Variants in LGSN observed in about 807,000 individuals in gnomAD.
LGSN encodes the protein lengsin, lens protein with glutamine synthetase domain.
A neutral mutation model predicts 19.5 loss-of-function variants in LGSN; 21 were observed. The observed-to-expected ratio is 1.07, with a 90% confidence interval of 0.76 to 1.55. The LOEUF is 1.55. LGSN is among the 40% of genes most tolerant of loss of function. LGSN has a pLI of 0.00. For missense variants in LGSN, 673 were observed against 608.5 expected (o/e 1.11, Z -1.12); for synonymous variants, 257 against 215.6 (o/e 1.19, Z -1.68).
the LGSN span, among the ~76,000 whole-genome samples, chr6:63,552,924 C>G: frequency 2.0e-5 from 3 of 151,994 alleles, no homozygotes; most frequent in Non-Finnish European, 4.4e-5. Context: ...GGTACTGTAG[C>G]CTTGTAGTAT....
the LGSN span, among the ~76,000 whole-genome samples, chr6:63,399,089 G>A: frequency 2.6e-5 from 4 of 152,134 alleles, no homozygotes; most frequent in East Asian, 5.8e-4. Flanking sequence ...TTACAAACAT[G>A]AGTTATCGCA....
chr6:63,557,378 C>T, the LGSN span, among the ~76,000 whole-genome samples: 2 of 152,022 alleles, frequency 1.3e-5, no homozygotes, highest in African/African-American at 2.4e-5. Context: ...CCAGCCTGGC[C>T]AACATGGTGA....
At chr6:63,304,351 T>G (rs1768297420) in intron 1 of LGSN, among the ~76,000 whole-genome samples, 1 of 152,210 alleles carries the variant, frequency 6.6e-6, no homozygotes, top group African/African-American at 2.4e-5. Flanking sequence ...TCCCTTACAG[T>G]AGTCTGTACA....
chr6:63,351,010 TA>T, the LGSN span, among the ~76,000 whole-genome samples: 1 of 152,142 alleles, frequency 6.6e-6, no homozygotes. Flanking sequence ...CCCAAATTCA[TA>T]TGTGGAAATG....
At chr6:63,291,122 C>T (rs1187712447) in intron 2 of LGSN, among the ~76,000 whole-genome samples, 4 of 152,196 alleles carry the variant, frequency 2.6e-5, no homozygotes, top group Non-Finnish European at 5.9e-5. Context: ...TACTCGGCCA[C>T]TGCACTCAAA....
At chr6:63,371,282 C>T in the LGSN span, among the ~76,000 whole-genome samples, 3 of 152,260 alleles carry the variant, frequency 2.0e-5, no homozygotes, top group East Asian at 5.8e-4. Flanking sequence ...AAGGTCAGTC[C>T]CTGCCATAGC....
the LGSN span, chr6:63,550,628 G>A: frequency 2.0e-5 from 3 of 152,334 alleles, no homozygotes; most frequent in Non-Finnish European, 4.4e-5. Flanking sequence ...TGGTTGGTTG[G>A]TTGGTTTTTG....
chr6:63,365,314 C>T, the LGSN span, among the ~76,000 whole-genome samples: 14 of 152,014 alleles, frequency 9.2e-5, no homozygotes, highest in African/African-American at 2.9e-4. Flanking sequence ...AACACCTCCA[C>T]GCAAATAAAC....
At chr6:63,428,776 A>C in the LGSN span, among the ~76,000 whole-genome samples, 1 of 152,216 alleles carries the variant, frequency 6.6e-6, no homozygotes, top group Non-Finnish European at 1.5e-5. Flanking sequence ...TTCACATCCA[A>C]AGAAATGTCC....
chr6:63,280,188 T>C lies in LGSN; in HGVS notation c.1363A>G (p.Ile455Val). ...TDFYQVEPSE[I>V]PLKLEDALVA... ...AGGGCATCTTCTAGTTTTAAAGGGATCTCAGAAGGTTCCACTTGGTAAAAG... is the reference window on the plus strand; with the variant it reads ...AGGGCATCTTCTAGTTTTAAAGGGACCTCAGAAGGTTCCACTTGGTAAAAG... The change falls in exon 4 of 4, where the codon ATC becomes GTC. Residue 455 changes from isoleucine to valine, a missense_variant. Coordinates refer to ENST00000370657, the MANE Select transcript of LGSN (RefSeq NM_016571.3). 3 of 1,614,210 alleles carry C rather than the reference T, an allele frequency of 1.9e-6. No individual in the cohort carries two copies. Among genetic ancestry groups the C allele is most frequent in the Non-Finnish European group, 2.5e-6 (3 of 1,180,030 alleles).
At chr6:63,343,513 G>C in the LGSN span, among the ~76,000 whole-genome samples, 1 of 152,168 alleles carries the variant, frequency 6.6e-6, no homozygotes. Context: ...GTGATCTATA[G>C]TAGAAATCTA....
At chr6:63,430,530 A>G in the LGSN span, among the ~76,000 whole-genome samples, 1 of 152,050 alleles carries the variant, frequency 6.6e-6, no homozygotes, top group Non-Finnish European at 1.5e-5. Context: ...CTGGGATTAC[A>G]GGCATGCACC....
chr6:63,320,874 A>T (rs990069047), upstream of LGSN, among the ~76,000 whole-genome samples: 1 of 151,746 alleles, frequency 6.6e-6, no homozygotes, highest in Non-Finnish European at 1.5e-5. Flanking sequence ...ATCCTGCCTG[A>T]CTCTCTTGGC....
the LGSN span, among the ~76,000 whole-genome samples, chr6:63,421,089 A>G: frequency 1.2e-4 from 19 of 152,344 alleles, no homozygotes; most frequent in African/African-American, 4.3e-4. Context: ...AAAGGGAACA[A>G]AGGAAAGAAT....
chr6:63,295,864 A>G (rs1277934036), intron 1 of LGSN, among the ~76,000 whole-genome samples: 2 of 152,164 alleles, frequency 1.3e-5, no homozygotes, highest in African/African-American at 4.8e-5. Flanking sequence ...AATTTTGAAA[A>G]AGCTGACACT....
At chr6:63,529,856 A>T in the LGSN span, among the ~76,000 whole-genome samples, 2 of 152,292 alleles carry the variant, frequency 1.3e-5, no homozygotes, top group Non-Finnish European at 2.9e-5. Flanking sequence ...GAGAACTAAA[A>T]ATTATCAATT....
At chr6:63,541,399 A>G in the LGSN span, among the ~76,000 whole-genome samples, 1 of 151,970 alleles carries the variant, frequency 6.6e-6, no homozygotes, top group Non-Finnish European at 1.5e-5. Context: ...TAAAAAAACA[A>G]AAAAATAGCC....
At chr6:63,338,458 T>C in the LGSN span, among the ~76,000 whole-genome samples, 1 of 152,124 alleles carries the variant, frequency 6.6e-6, no homozygotes, top group Non-Finnish European at 1.5e-5. Flanking sequence ...AATTCACCCA[T>C]TTCTTAATAG....
chr6:63,295,004 G>T lies in LGSN; in HGVS notation c.72C>A (p.Ser24Arg), dbSNP rs145376798. ...RDEGNETEANSMNTLRRTRKK... is the reference protein window; with the variant it reads ...RDEGNETEANRMNTLRRTRKK... ...TCCTTGTCCTTCTTAATGTGTTCATGCTGTTGGCTTCAGTCTCATTGCCTT... is the reference window on the plus strand; with the variant it reads ...TCCTTGTCCTTCTTAATGTGTTCATTCTGTTGGCTTCAGTCTCATTGCCTT... Residue 24 changes from serine (S) to arginine (R), a missense_variant, in exon 2 of 4, where the codon AGC (serine) becomes AGA (arginine). Transcript: ENST00000370657. 6.2e-7 allele frequency: 1 copy of T among 1,613,442 alleles called. No individual in the cohort carries two copies.
Sources: gnomAD v4.1 joint callset for allele counts (sites outside exome capture counted in the v4.1 genomes callset) on GRCh38, gnomAD v4.1.1 for gene constraint, MANE v1.5 for transcripts, NCBI Gene and HGNC (gene_info 2026-07-23, HGNC 2026-07-21) for gene names.